Variants in EXOC4 observed in about 807,000 individuals in gnomAD.
EXOC4 encodes SEC8-like 1.
EXOC4 carries 71 observed loss-of-function variants against 107.2 expected under a neutral mutation model. That is an observed-to-expected ratio of 0.66 (90% CI 0.55 to 0.81). The LOEUF is 0.81. EXOC4 is among the 30% of genes least tolerant of loss of function. EXOC4 has a pLI of 0.00. For missense variants in EXOC4, 1,108 were observed against 1,189.6 expected, an observed-to-expected ratio of 0.93 and a Z score of 1.01; for synonymous variants, 456 against 441.2, an observed-to-expected ratio of 1.03 and a Z score of -0.42.
At chr7:133,673,561 C>G (rs1162319280) in intron 10 of EXOC4, among the ~76,000 whole-genome samples, 1 of 152,126 alleles carries the variant, frequency 6.6e-6, no homozygotes, top group Admixed American at 6.5e-5. Flanking sequence ...AACATGTCTG[C>G]ATTTGGAATT....
Position 133,804,377 on chromosome 7 carries a change from G to T in EXOC4, c.1515-12948G>T, listed in dbSNP as rs931207748. Among the ~76,000 whole-genome samples the T allele has an allele frequency of 5.9e-5, 9 of 152,050 alleles. No individual in the cohort carries two copies. The East Asian group carries it at 1.7e-3, about 29-fold the overall frequency. ...ATCATTAGTGGCTACTTTTTTCTTA[G>T]GGCACTGTGCATTCAGAACACTTTG... On this transcript the variant is annotated intron_variant, in intron 10 of 17. Transcript: ENST00000253861.
At chr7:133,816,431 G>A (rs924474775) in intron 10 of EXOC4, among the ~76,000 whole-genome samples, 1 of 152,120 alleles carries the variant, frequency 6.6e-6, no homozygotes, top group African/African-American at 2.4e-5. Flanking sequence ...TTCTTTAAGG[G>A]TTTTTAATAG....
chr7:133,584,632 G>A lies in EXOC4; in HGVS notation c.1418-45413G>A, dbSNP rs893683279. On this transcript the variant is annotated intron_variant, in intron 9 of 17. Coordinates refer to ENST00000253861, the MANE Select transcript of EXOC4 (RefSeq NM_021807.4). The stretch of plus-strand genomic sequence containing the variant: ...CTCGCTCTGTTGCCCAGGCTGGAGT[G>A]CAGTGGTGTGATCTTAGCTTACCGA... 2.1e-5 allele frequency among the ~76,000 whole-genome samples: 3 copies of A among 139,724 alleles called. No homozygotes were observed. The Admixed American group carries it at 2.3e-4, about 11-fold the overall frequency. The allele number at this position is 139,724 out of a possible 152,430, so 91.7% of individuals were successfully genotyped here.
chr7:133,412,278 GTTTTTT>G lies in EXOC4; in HGVS notation c.1182+37294_1182+37299del, dbSNP rs35334259. Among the ~76,000 whole-genome samples the G allele has an allele frequency of 1.2e-3, 89 of 71,494 alleles. 1 individual carries two copies. The highest frequency in any genetic ancestry group is 1.4e-3 in the South Asian group (2 of 1,394). 46.9% of individuals were successfully genotyped at this position (71,494 alleles called of 152,430 possible). On this transcript the variant is annotated intron_variant, in intron 7 of 17. Coordinates refer to ENST00000253861, the MANE Select transcript of EXOC4 (RefSeq NM_021807.4). The stretch of plus-strand genomic sequence containing the variant: ...ATCTGGTCAATACTGTCAGAATTCA[GTTTTTT>G]TTTTTTTTTTTTTTTTTGCCAGTAT...
At chr7:133,269,223 C>T (rs1204558690) in intron 1 of EXOC4, among the ~76,000 whole-genome samples, 2 of 152,166 alleles carry the variant, frequency 1.3e-5, no homozygotes, top group South Asian at 2.1e-4. Context: ...GTTCTCTTTA[C>T]ATATGAACTG....
chr7:133,666,315 T>G lies in EXOC4; in HGVS notation c.1514+36174T>G, dbSNP rs1028467939. On this transcript the variant is annotated intron_variant, in intron 10 of 17. Transcript: ENST00000253861. ...GTAGTGACCTGACCTTTTAAAAATT[T>G]TATTAACATTTATAAATTTGTTTTA... Among the ~76,000 whole-genome samples, 8 of 152,186 alleles carry G rather than the reference T, an allele frequency of 5.3e-5. No individual in the cohort carries two copies. In the East Asian group the frequency reaches 1.5e-3, roughly 29 times the overall value.
chr7:133,387,841 G>A (rs964710322), intron 7 of EXOC4, among the ~76,000 whole-genome samples: 1 of 152,150 alleles, frequency 6.6e-6, no homozygotes, highest in African/African-American at 2.4e-5. Flanking sequence ...GAAGACCTTG[G>A]AAGGCTGAGG....
intron 2 of EXOC4, among the ~76,000 whole-genome samples, chr7:133,284,303 TATAAC>T (rs1794225236): frequency 6.6e-6 from 1 of 152,202 alleles, no homozygotes; most frequent in Admixed American, 6.5e-5. Flanking sequence ...TTGGGTGTTG[TATAAC>T]ATAAGATTTA....
chr7:133,789,741 AG>A (rs901374543), intron 10 of EXOC4, among the ~76,000 whole-genome samples: 1 of 152,220 alleles, frequency 6.6e-6, no homozygotes, highest in African/African-American at 2.4e-5. Flanking sequence ...TGTCAATTGC[AG>A]GGTATGATGG....
rs1429619206 is a variant in EXOC4, at chr7:133,444,826, G to C, written c.1183-30502G>C. Reference sequence around the variant, plus strand: ...GGTGGTGTCAGCTTGTCGGTGTTCAGGTCAGAGGTCTGGGATGACAGATTG... The same window carrying C: ...GGTGGTGTCAGCTTGTCGGTGTTCACGTCAGAGGTCTGGGATGACAGATTG... On this transcript the variant is annotated intron_variant, in intron 7 of 17. Coordinates refer to ENST00000253861, the MANE Select transcript of EXOC4 (RefSeq NM_021807.4). Among the ~76,000 whole-genome samples, 4 of 152,294 alleles carry C rather than the reference G, an allele frequency of 2.6e-5. No individual in the cohort carries two copies. The East Asian group carries it at 5.8e-4, about 22-fold the overall frequency.
At chr7:133,785,206 C>T (rs935509493) in intron 10 of EXOC4, among the ~76,000 whole-genome samples, 4 of 152,120 alleles carry the variant, frequency 2.6e-5, no homozygotes, top group African/African-American at 9.7e-5. Context: ...CAATTATGTT[C>T]TTCGGGTCTG....
intron 7 of EXOC4, among the ~76,000 whole-genome samples, chr7:133,447,688 T>A (rs1027493699): frequency 2.7e-4 from 41 of 152,044 alleles, no homozygotes; most frequent in Admixed American, 2.7e-3. Flanking sequence ...AAAGAAGATT[T>A]AAAAATCACC....
At chr7:133,979,573 G>A (rs1271449071) in intron 14 of EXOC4, among the ~76,000 whole-genome samples, 1 of 152,118 alleles carries the variant, frequency 6.6e-6, no homozygotes, top group Non-Finnish European at 1.5e-5. Context: ...GGATCACAAG[G>A]TCAAGAGATC....
chr7:133,844,869 G>A lies in EXOC4; in HGVS notation c.1734+27325G>A, dbSNP rs372964237. On this transcript the variant is annotated intron_variant, in intron 11 of 17. Transcript: ENST00000253861. ...CTGACTAAAAAGGAGGTCATTTCAG[G>A]CACTCTCTGAAACATGACCTAAAAA... Among the ~76,000 whole-genome samples the A allele has an allele frequency of 1.1e-4, 16 of 152,000 alleles. 1 individual carries two copies. In the East Asian group the frequency reaches 2.7e-3, roughly 26 times the overall value.
At chr7:133,597,577 C>T (rs1466420862) in intron 9 of EXOC4, among the ~76,000 whole-genome samples, 3 of 128,208 alleles carry the variant, frequency 2.3e-5, no homozygotes, top group African/African-American at 8.7e-5. Flanking sequence ...AAAAAAAAAC[C>T]CAAAAAAAAA....
At chr7:133,640,245 C>T (rs1240551634) in intron 10 of EXOC4, among the ~76,000 whole-genome samples, 2 of 152,076 alleles carry the variant, frequency 1.3e-5, no homozygotes, top group Admixed American at 1.3e-4. Flanking sequence ...TCTATCCCTA[C>T]AGATAGATTG....
At chr7:133,381,873 T>C (rs1415403433) in intron 7 of EXOC4, among the ~76,000 whole-genome samples, 7 of 152,138 alleles carry the variant, frequency 4.6e-5, no homozygotes, top group Non-Finnish European at 1.0e-4. Flanking sequence ...TGGTTCTCAA[T>C]GTATACCTCT....
chr7:133,646,588 T>C (rs1226609703), intron 10 of EXOC4, among the ~76,000 whole-genome samples: 1 of 152,212 alleles, frequency 6.6e-6, no homozygotes, highest in Non-Finnish European at 1.5e-5. Context: ...ATTATCCACA[T>C]GTGTACTTAC....
At chr7:133,741,248 A>C (rs1414653321) in intron 10 of EXOC4, among the ~76,000 whole-genome samples, 1 of 152,078 alleles carries the variant, frequency 6.6e-6, no homozygotes, top group Non-Finnish European at 1.5e-5. Context: ...CTCTAAACAC[A>C]GGTCTGTTCT....
Sources: allele counts gnomAD v4.1 joint callset (sites outside exome capture counted in the v4.1 genomes callset), GRCh38; gene constraint gnomAD v4.1.1; transcripts MANE v1.5; gene names NCBI Gene and HGNC (gene_info 2026-07-23, HGNC 2026-07-21).